Variants in CECR2 observed in about 807,000 individuals in gnomAD.
The protein encoded by CECR2 is chromatin remodeling regulator CECR2.
A neutral mutation model predicts 154.5 loss-of-function variants in CECR2; 30 were observed. That is an observed-to-expected ratio of 0.19 (90% CI 0.15 to 0.26). CECR2 has a LOEUF of 0.26. CECR2 is among the 10% of genes least tolerant of loss of function. The pLI, the probability that CECR2 is intolerant of heterozygous loss-of-function variation, is 1.00. For synonymous variants in CECR2, 725 were observed against 683.7 expected (o/e 1.06, Z -0.94); for missense variants, 1,743 against 1,829.3 (o/e 0.95, Z 0.86).
At position 17,558,042 on chromosome 22, in the gene CECR2, G is replaced by A. The variant is rs2056794132; in HGVS notation, c.*5202G>A. On this transcript the variant is annotated 3_prime_UTR_variant, in exon 19 of 19. Transcript: ENST00000262608. ...ATAGTTAGTTCAATATTGTGTGTTG[G>A]ATAATTTTTTAAAAGAACTTTTTAA... The A allele has an allele frequency of 6.6e-6, 1 of 152,208 alleles. No homozygotes were observed. Among genetic ancestry groups the A allele is most frequent in the Non-Finnish European group, 1.5e-5 (1 of 68,040 alleles). 9.4% of individuals were successfully genotyped at this position (152,208 alleles called of 1,614,324 possible).
chr22:17,362,536 T>C (rs1432473591), intron 1 of CECR2, among the ~76,000 whole-genome samples: 2 of 133,770 alleles, frequency 1.5e-5, no homozygotes, highest in Admixed American at 7.5e-5. Context: ...CATGAAAAAA[T>C]AATTTTTTAG....
intron 1 of CECR2, among the ~76,000 whole-genome samples, chr22:17,427,728 C>A (rs1463750182): frequency 6.6e-6 from 1 of 152,120 alleles, no homozygotes; most frequent in African/African-American, 2.4e-5. Flanking sequence ...AGCTTTTATT[C>A]CCTTATTTGG....
intron 8 of CECR2, chr22:17,518,597 T>A: frequency 2.7e-6 from 1 of 364,722 alleles, no homozygotes; most frequent in Non-Finnish European, 5.5e-6. Context: ...GTCACGTCTA[T>A]CTTTAGGACG....
intron 2 of CECR2, among the ~76,000 whole-genome samples, chr22:17,495,718 T>C (rs2055613071): frequency 6.6e-6 from 1 of 150,414 alleles, no homozygotes; most frequent in Non-Finnish European, 1.5e-5. Flanking sequence ...AAAAATTAGC[T>C]GGGCGTGGTG....
Position 17,548,684 on chromosome 22 carries a change from T to C in CECR2, c.3397T>C (p.Tyr1133His). ...AGAGTACCCGAATTCAGCTGCCCAT[T>C]ACCACATCAGTCCAGGCCTGCAGGG... ...GLEYPNSAAHYHISPGLQGVG... is the reference protein window; with the variant it reads ...GLEYPNSAAHHHISPGLQGVG... Residue 1133 changes from tyrosine to histidine, a missense_variant, in exon 17 of 19, where the codon TAC becomes CAC. By Grantham distance (83) the Tyr-to-His change is moderately conservative. This residue lies in a region of CECR2 where 1,250 missense variants were observed against 1,192.1 expected (regional missense o/e 1.05). Coordinates refer to ENST00000262608, the MANE Select transcript of CECR2 (RefSeq NM_001290047.2). 1 of 1,613,494 alleles carries C rather than the reference T, an allele frequency of 6.2e-7. No homozygotes were observed. Among genetic ancestry groups the C allele is most frequent in the South Asian group, 1.1e-5 (1 of 90,964 alleles).
chr22:17,537,670 C>G (rs952215303), intron 10 of CECR2, among the ~76,000 whole-genome samples: 1 of 152,064 alleles, frequency 6.6e-6, no homozygotes, highest in Non-Finnish European at 1.5e-5. Flanking sequence ...TTCTTTAGAT[C>G]ACAAAAATAT....
chr22:17,417,280 C>T (rs1333236306), intron 1 of CECR2, among the ~76,000 whole-genome samples: 2 of 152,034 alleles, frequency 1.3e-5, no homozygotes, highest in Non-Finnish European at 2.9e-5. Context: ...CTTAGTGAAA[C>T]TAATATTAAT....
intron 2 of CECR2, among the ~76,000 whole-genome samples, chr22:17,492,440 G>A (rs993655832): frequency 2.0e-5 from 3 of 152,176 alleles, no homozygotes; most frequent in African/African-American, 4.8e-5. Context: ...AGGTCGTGCC[G>A]TCCTTGGTCT....
In CECR2 at chr22:17,361,760, A is replaced by G. The variant is rs370402407; in HGVS notation, c.-364+1737A>G. On this transcript the variant is annotated intron_variant, in intron 1 of 18. Transcript: ENST00000400585. Reference sequence around the variant, plus strand: ...TCTATCTCAAATTAAAAAAAAAAAAAAGAGAGAGAGAGTGACTGGTGTTTT... The same window carrying G: ...TCTATCTCAAATTAAAAAAAAAAAAGAGAGAGAGAGAGTGACTGGTGTTTT... 4.4e-4 allele frequency among the ~76,000 whole-genome samples: 67 copies of G among 151,760 alleles called. No individual in the cohort carries two copies. In the South Asian group the frequency reaches 0.011, roughly 25 times the overall value.
At chr22:17,454,979 C>A (rs1281019148) in intron 1 of CECR2, among the ~76,000 whole-genome samples, 1 of 152,196 alleles carries the variant, frequency 6.6e-6, no homozygotes, top group Non-Finnish European at 1.5e-5. Context: ...CCTGACACGT[C>A]CACCCTACTG....
intron 2 of CECR2, among the ~76,000 whole-genome samples, chr22:17,488,462 T>C (rs1025524857): frequency 4.6e-5 from 7 of 152,212 alleles, no homozygotes; most frequent in African/African-American, 9.6e-5. Flanking sequence ...TCCCCATACC[T>C]ACATTGTACA....
At chr22:17,422,635 C>T (rs2078734) in intron 1 of CECR2, among the ~76,000 whole-genome samples, 77,186 of 151,482 alleles carry the variant, frequency 0.51, 20,251 homozygotes, top group African/African-American at 0.64. Flanking sequence ...CCTCTTGGTA[C>T]TTTCATGTGT....
Position 17,542,186 on chromosome 22 carries a change from A to T in CECR2, c.2043A>T (p.Gly681=). 1 of 1,612,056 alleles carries T rather than the reference A, an allele frequency of 6.2e-7. No homozygotes were observed. Among genetic ancestry groups the T allele is most frequent in the Non-Finnish European group, 8.5e-7 (1 of 1,178,616 alleles). The change falls in exon 16 of 19, where the codon GGA becomes GGT. Residue 681 remains glycine, a synonymous_variant. Transcript: ENST00000262608. ...CAGTTGGAATTAACAGCCTCCGAGG[A>T]CCCAGGCTAGGCACACCAGAGGAGA... ...QPPVGINSLR[G]PRLGTPEEKQ... is the part of the protein sequence containing the mutation.
At chr22:17,469,512 A>T (rs538784678) in intron 1 of CECR2, among the ~76,000 whole-genome samples, 1 of 151,638 alleles carries the variant, frequency 6.6e-6, no homozygotes, top group South Asian at 2.1e-4. Flanking sequence ...AGCAGGGGGG[A>T]TGATTACTGC....
At chr22:17,464,439 A>G (rs2054992896) in intron 1 of CECR2, among the ~76,000 whole-genome samples, 1 of 106,010 alleles carries the variant, frequency 9.4e-6, no homozygotes, top group Non-Finnish European at 2.6e-5. Flanking sequence ...AATTCAGTTA[A>G]TATTGGCAGC....
chr22:17,446,650 A>G (rs540714010), intron 1 of CECR2, among the ~76,000 whole-genome samples: 19 of 152,244 alleles, frequency 1.2e-4, no homozygotes, highest in Non-Finnish European at 2.1e-4. Flanking sequence ...TGGGAGGTGG[A>G]GCTTACAGTG....
upstream of CECR2, among the ~76,000 whole-genome samples, chr22:17,368,349 C>T (rs2063014542): frequency 6.6e-6 from 1 of 152,164 alleles, no homozygotes; most frequent in Admixed American, 6.5e-5. Context: ...TTGGGGGACG[C>T]ACCAGGAGCA....
At chr22:17,436,349 A>AAT (rs1479656607) in intron 1 of CECR2, among the ~76,000 whole-genome samples, 1 of 152,248 alleles carries the variant, frequency 6.6e-6, no homozygotes, top group African/African-American at 2.4e-5. Context: ...TTCTATGCAC[A>AAT]ATAATACAAC....
intron 9 of CECR2, among the ~76,000 whole-genome samples, chr22:17,529,912 T>C (rs959217257): frequency 6.6e-6 from 1 of 152,192 alleles, no homozygotes; most frequent in African/African-American, 2.4e-5. Context: ...AGAGAAATAA[T>C]CAATTATGTA....
Sources: gnomAD v4.1 joint callset for allele counts (sites outside exome capture counted in the v4.1 genomes callset) on GRCh38, gnomAD v4.1.1 for gene constraint, gnomAD v4.1.1 regional missense constraint, MANE v1.5 for transcripts, NCBI Gene and HGNC (gene_info 2026-07-23, HGNC 2026-07-21) for gene names.